The following NEK7 variants were observed in gnomAD, a reference collection of about 807,000 sequenced individuals.
NEK7 encodes the protein serine/threonine-protein kinase Nek7.
A neutral mutation model predicts 44.6 loss-of-function variants in NEK7; 18 were observed. The ratio of observed to expected loss-of-function variants is 0.40; its 90% CI spans 0.28 to 0.60. The LOEUF is 0.60. NEK7 is among the 20% of genes least tolerant of loss of function. NEK7 has a pLI of 0.38. For synonymous variants in NEK7, 130 were observed against 121.1 expected (o/e 1.07, Z -0.48); for missense variants, 256 against 366.5 (o/e 0.70, Z 2.46).
At chr1:198,252,402 A>C (rs1322133287) in intron 2 of NEK7, among the ~76,000 whole-genome samples, 1 of 151,384 alleles carries the variant, frequency 6.6e-6, no homozygotes, top group Non-Finnish European at 1.5e-5. Context: ...TGCTTGGTGC[A>C]GAGCTGAGTT....
chr1:198,229,805 A>G (rs1666333328), intron 1 of NEK7, among the ~76,000 whole-genome samples: 1 of 149,472 alleles, frequency 6.7e-6, no homozygotes, highest in African/African-American at 2.4e-5. Flanking sequence ...TTTATGGGAT[A>G]CTGTAGAAAT....
At chr1:198,282,409 A>C (rs952353846) in intron 7 of NEK7, among the ~76,000 whole-genome samples, 2 of 152,056 alleles carry the variant, frequency 1.3e-5, no homozygotes, top group African/African-American at 4.8e-5. Context: ...TCCCCAGTTC[A>C]TGATGTGCCA....
At chr1:198,293,836 A>G (rs1283329882) in intron 8 of NEK7, among the ~76,000 whole-genome samples, 1 of 151,910 alleles carries the variant, frequency 6.6e-6, no homozygotes, top group East Asian at 1.9e-4. Flanking sequence ...GAAATGTAAT[A>G]CATGGAAGCA....
At chr1:198,160,616 G>C (rs1664076945) in intron 1 of NEK7, among the ~76,000 whole-genome samples, 2 of 152,140 alleles carry the variant, frequency 1.3e-5, no homozygotes, top group African/African-American at 4.8e-5. Flanking sequence ...CAGGATTTAT[G>C]TAAATATATA....
intron 1 of NEK7, among the ~76,000 whole-genome samples, chr1:198,180,516 T>A (rs551723347): frequency 1.2e-4 from 18 of 152,188 alleles, no homozygotes; most frequent in Admixed American, 5.2e-4. Flanking sequence ...AGCTTGCATT[T>A]GCTTGGTGGT....
At chr1:198,281,770 G>A (rs1013696518) in intron 7 of NEK7, among the ~76,000 whole-genome samples, 55 of 152,102 alleles carry the variant, frequency 3.6e-4, no homozygotes, top group African/African-American at 1.1e-3. Flanking sequence ...AGATTGGCAA[G>A]TCTTTGCATT....
intron 2 of NEK7, among the ~76,000 whole-genome samples, chr1:198,237,921 C>T (rs761743780): frequency 1.3e-5 from 2 of 152,100 alleles, no homozygotes; most frequent in East Asian, 1.9e-4. Context: ...TTATTTTGTT[C>T]ATTGTTTTTC....
chr1:198,296,389 A>G (rs1281215405), intron 8 of NEK7, among the ~76,000 whole-genome samples: 1 of 152,188 alleles, frequency 6.6e-6, no homozygotes, highest in Non-Finnish European at 1.5e-5. Context: ...TGCACTTTAA[A>G]TGTCAAGTTA....
At chr1:198,186,399 T>C (rs771741711) in intron 1 of NEK7, among the ~76,000 whole-genome samples, 1 of 151,802 alleles carries the variant, frequency 6.6e-6, no homozygotes, top group Non-Finnish European at 1.5e-5. Flanking sequence ...GAGCAAGTTT[T>C]TGTTTTGTTT....
intron 7 of NEK7, among the ~76,000 whole-genome samples, chr1:198,282,259 G>T (rs1288858614): frequency 6.6e-6 from 1 of 152,000 alleles, no homozygotes; most frequent in Non-Finnish European, 1.5e-5. Context: ...GACACTATCT[G>T]ATTGTGTTAC....
chr1:198,212,931 T>C (rs911425516), intron 1 of NEK7, among the ~76,000 whole-genome samples: 1 of 152,222 alleles, frequency 6.6e-6, no homozygotes, highest in African/African-American at 2.4e-5. Flanking sequence ...CAGGAGATCT[T>C]GAGTCTCTTC....
chr1:198,252,678 G>GTATGTT (rs1286768741), intron 2 of NEK7, among the ~76,000 whole-genome samples: 1 of 124,736 alleles, frequency 8.0e-6, no homozygotes, highest in Non-Finnish European at 1.6e-5. Flanking sequence ...TAAAACATAT[G>GTATGTT]TATGTTTATG....
chr1:198,318,632 A>G (rs1655444188), intron 9 of NEK7, among the ~76,000 whole-genome samples: 1 of 152,190 alleles, frequency 6.6e-6, no homozygotes, highest in Non-Finnish European at 1.5e-5. Flanking sequence ...TGAAGATCAT[A>G]TACAATGTTA....
At chr1:198,279,460 TGTGA>T (rs1219150276) in intron 7 of NEK7, among the ~76,000 whole-genome samples, 10 of 152,080 alleles carry the variant, frequency 6.6e-5, no homozygotes, top group South Asian at 2.1e-4. Context: ...AGTATATGGC[TGTGA>T]GTGTTATTGT....
At chr1:198,180,332 T>A (rs1664730746) in intron 1 of NEK7, among the ~76,000 whole-genome samples, 1 of 152,106 alleles carries the variant, frequency 6.6e-6, no homozygotes, top group Non-Finnish European at 1.5e-5. Context: ...TTTTATTCCT[T>A]ATTCTAAAGT....
chr1:198,318,407 T>A (rs1426162937), intron 9 of NEK7, among the ~76,000 whole-genome samples: 1 of 152,176 alleles, frequency 6.6e-6, no homozygotes, highest in Non-Finnish European at 1.5e-5. Flanking sequence ...AGCAACATCT[T>A]CAGCCCAAGC....
chr1:198,275,343 G>A (rs922312130), intron 5 of NEK7, among the ~76,000 whole-genome samples: 5 of 151,222 alleles, frequency 3.3e-5, no homozygotes, highest in Non-Finnish European at 7.4e-5. Context: ...CATAAATATT[G>A]TAAAAGCGCC....
chr1:198,317,064 T>G (rs942240687), intron 9 of NEK7, among the ~76,000 whole-genome samples: 6 of 151,932 alleles, frequency 3.9e-5, no homozygotes, highest in African/African-American at 1.4e-4. Context: ...CTTTATTAAT[T>G]TTTTAATGTA....
At chr1:198,297,947 G>C (rs1260858281) in intron 9 of NEK7, among the ~76,000 whole-genome samples, 1 of 152,108 alleles carries the variant, frequency 6.6e-6, no homozygotes, top group Non-Finnish European at 1.5e-5. Flanking sequence ...AGTTGTTTTG[G>C]CTCTACCCTA....
Sources: gnomAD v4.1 joint callset for allele counts (sites outside exome capture counted in the v4.1 genomes callset) on GRCh38, gnomAD v4.1.1 for gene constraint, MANE v1.5 for transcripts, NCBI Gene and HGNC (gene_info 2026-07-23, HGNC 2026-07-21) for gene names.